SERGEF: variants seen among roughly 807,000 people sequenced by gnomAD.
SERGEF encodes secretion-regulating guanine nucleotide exchange factor.
SERGEF carries 51 observed loss-of-function variants against 50.0 expected under a neutral mutation model. The observed-to-expected ratio is 1.02, with a 90% confidence interval of 0.81 to 1.29. The LOEUF (loss-of-function observed/expected upper bound fraction) is 1.29. Among genes scored for constraint, SERGEF ranks in the 50% most tolerant of loss-of-function variants. SERGEF has a pLI of 0.00. For missense variants in SERGEF, 521 were observed against 557.0 expected, an observed-to-expected ratio of 0.94 and a Z score of 0.65; for synonymous variants, 205 against 212.4, an observed-to-expected ratio of 0.97 and a Z score of 0.30.
At chr11:17,896,583 A>T (rs1233603838) in intron 9 of SERGEF, among the ~76,000 whole-genome samples, 11 of 13,452 alleles carry the variant, frequency 8.2e-4, no homozygotes, top group Non-Finnish European at 1.3e-3. Context: ...AAGGGAAGGG[A>T]AGGGGAAGGG....
chr11:17,851,400 CATTA>C (rs1187191107), intron 10 of SERGEF, among the ~76,000 whole-genome samples: 1 of 152,054 alleles, frequency 6.6e-6, no homozygotes, highest in African/African-American at 2.4e-5. Context: ...AATGAAGAAA[CATTA>C]ATTATTATGT....
intron 10 of SERGEF, among the ~76,000 whole-genome samples, chr11:17,831,967 T>G (rs1201668178): frequency 6.6e-6 from 1 of 152,206 alleles, no homozygotes; most frequent in Non-Finnish European, 1.5e-5. Flanking sequence ...AAAGCCTCAT[T>G]AATCTCCCCA....
At chr11:17,819,071 A>T (rs1336382790) in intron 10 of SERGEF, among the ~76,000 whole-genome samples, 1 of 152,240 alleles carries the variant, frequency 6.6e-6, no homozygotes, top group African/African-American at 2.4e-5. Flanking sequence ...CTTATTTGTC[A>T]GTTTATATCT....
At chr11:17,903,699 A>G (rs1458354607) in intron 9 of SERGEF, among the ~76,000 whole-genome samples, 1 of 152,238 alleles carries the variant, frequency 6.6e-6, no homozygotes, top group Non-Finnish European at 1.5e-5. Context: ...AAGTTAAAAC[A>G]CGGGGAGAGA....
chr11:17,956,429 AG>A (rs1852872533), intron 9 of SERGEF, among the ~76,000 whole-genome samples: 1 of 152,238 alleles, frequency 6.6e-6, no homozygotes, highest in African/African-American at 2.4e-5. Context: ...ACCCATTCTT[AG>A]CCTTAGTCTC....
chr11:17,788,300 G>T lies in SERGEF; in HGVS notation c.1162C>A (p.Leu388Ile). The part of the protein sequence containing the change: ...VQALLSSSGL[L>I]VGCGAGHSLA... ...GAGTGGCCAGCCCCACAGCCCACAA[G>T]GAGTCCTGACGATGACAGCAGAGCC... is the stretch of plus-strand genomic sequence containing the variant. Residue 388 changes from leucine (L) to isoleucine (I), a missense_variant, in exon 11 of 11, where the codon CTT (leucine) becomes ATT (isoleucine). By Grantham distance (5) the Leu-to-Ile change is conservative. Coordinates refer to ENST00000265965, the MANE Select transcript of SERGEF (RefSeq NM_012139.4). 1 of 1,614,228 alleles carries T rather than the reference G, an allele frequency of 6.2e-7. No homozygotes were observed. The highest frequency in any genetic ancestry group is 8.5e-7 in the Non-Finnish European group (1 of 1,180,038).
intron 10 of SERGEF, among the ~76,000 whole-genome samples, chr11:17,872,954 G>A (rs1200869921): frequency 6.6e-6 from 1 of 152,076 alleles, no homozygotes; most frequent in African/African-American, 2.4e-5. Flanking sequence ...ACTTACATAT[G>A]TAAAAGGACA....
At position 18,000,544 on chromosome 11, in the gene SERGEF, T is replaced by C. The variant is rs1296430328; in HGVS notation, c.461A>G (p.Lys154Arg). Reference protein sequence around the residue: ...VPQAIELHKEKVVCIAAGLRH... With the variant: ...VPQAIELHKERVVCIAAGLRH... The stretch of plus-strand genomic sequence containing the variant: ...CAGTCCAGCAGCAATACAAACAACC[T>C]TCTCTTTATGGAGCTGTCAAAATAA... Residue 154 changes from lysine to arginine, a missense_variant, in exon 5 of 11, where the codon AAG becomes AGG. Lys to Arg is a conservative substitution (Grantham distance 26). Transcript: ENST00000265965. The C allele has an allele frequency of 1.3e-6, 2 of 1,586,846 alleles. No individual in the cohort carries two copies. The highest frequency in any genetic ancestry group is 1.7e-6 in the Non-Finnish European group (2 of 1,171,294).
Position 17,901,623 on chromosome 11 carries a change from G to C in SERGEF, c.1012-23379C>G, listed in dbSNP as rs959558265. ...GTCCCTCCCTTCCTGATCTCTGCCTGTCAGCTCCTTCTGTCAAAACACTGC... is the reference window on the plus strand; with the variant it reads ...GTCCCTCCCTTCCTGATCTCTGCCTCTCAGCTCCTTCTGTCAAAACACTGC... On this transcript the variant is annotated intron_variant, in intron 9 of 10. Transcript: ENST00000265965. 6.6e-5 allele frequency among the ~76,000 whole-genome samples: 10 copies of C among 152,164 alleles called. No individual in the cohort carries two copies. In the South Asian group the frequency reaches 1.0e-3, roughly 16 times the overall value.
chr11:17,871,940 T>A (rs1209760918), intron 10 of SERGEF, among the ~76,000 whole-genome samples: 1 of 152,122 alleles, frequency 6.6e-6, no homozygotes, highest in Non-Finnish European at 1.5e-5. Context: ...CCAAGAGAAA[T>A]AAATGCACAT....
chr11:17,866,553 G>A (rs1851027856), intron 10 of SERGEF, among the ~76,000 whole-genome samples: 1 of 152,156 alleles, frequency 6.6e-6, no homozygotes, highest in Non-Finnish European at 1.5e-5. Context: ...CACCCAGGCT[G>A]GAGTCCAGTG....
At chr11:17,875,178 G>T (rs1851218258) in intron 10 of SERGEF, among the ~76,000 whole-genome samples, 1 of 152,134 alleles carries the variant, frequency 6.6e-6, no homozygotes, top group African/African-American at 2.4e-5. Context: ...ACTACTTCAG[G>T]CCACTGGAAA....
intron 10 of SERGEF, among the ~76,000 whole-genome samples, chr11:17,877,642 A>G (rs921127335): frequency 6.6e-6 from 1 of 152,234 alleles, no homozygotes; most frequent in African/African-American, 2.4e-5. Context: ...GTGGAAGTTA[A>G]TGAGAAGCCT....
intron 10 of SERGEF, among the ~76,000 whole-genome samples, chr11:17,811,043 T>G (rs986835655): frequency 8.5e-5 from 13 of 152,158 alleles, no homozygotes; most frequent in African/African-American, 3.1e-4. Context: ...GCCTCCAGCC[T>G]AGGGACACTG....
chr11:17,819,732 C>G (rs894066326), intron 10 of SERGEF, among the ~76,000 whole-genome samples: 1 of 152,248 alleles, frequency 6.6e-6, no homozygotes, highest in African/African-American at 2.4e-5. Context: ...CCACCCCAGT[C>G]AGAGACCTTC....
intron 9 of SERGEF, among the ~76,000 whole-genome samples, chr11:17,940,185 G>C (rs1210756697): frequency 6.6e-6 from 1 of 152,058 alleles, no homozygotes; most frequent in Admixed American, 6.6e-5. Flanking sequence ...AGAATAGCAC[G>C]TTTCAGACCA....
At chr11:17,964,221 A>T (rs745381051) in intron 8 of SERGEF, among the ~76,000 whole-genome samples, 5 of 152,172 alleles carry the variant, frequency 3.3e-5, no homozygotes, top group Non-Finnish European at 5.9e-5. Context: ...CAAATAGTCA[A>T]ATATAAATGA....
chr11:17,980,616 A>G (rs1853478141), intron 8 of SERGEF, among the ~76,000 whole-genome samples: 1 of 152,190 alleles, frequency 6.6e-6, no homozygotes, highest in African/African-American at 2.4e-5. Flanking sequence ...TAGAAGTTAC[A>G]GTATGGTTAA....
intron 10 of SERGEF, among the ~76,000 whole-genome samples, chr11:17,826,713 A>T (rs1308584742): frequency 1.3e-5 from 2 of 152,226 alleles, no homozygotes; most frequent in Non-Finnish European, 2.9e-5. Context: ...TAAAAGTAAC[A>T]ATAGTAATAA....
Sources: gnomAD v4.1 joint callset for allele counts (sites outside exome capture counted in the v4.1 genomes callset) on GRCh38, gnomAD v4.1.1 for gene constraint, MANE v1.5 for transcripts, NCBI Gene and HGNC (gene_info 2026-07-23, HGNC 2026-07-21) for gene names.